The following TPRG1 variants were observed in gnomAD, a reference collection of about 807,000 sequenced individuals.
TPRG1 encodes tumor protein p63 regulated 1.
TPRG1 carries 29 observed loss-of-function variants against 29.3 expected under a neutral mutation model. The observed-to-expected ratio is 0.99, with a 90% confidence interval of 0.74 to 1.35. The LOEUF is 1.35. Among genes scored for constraint, TPRG1 ranks in the 40% most tolerant of loss-of-function variants. TPRG1 has a pLI of 0.00. For missense variants in TPRG1, 327 were observed against 335.0 expected (o/e 0.98, Z 0.19); for synonymous variants, 130 against 116.8 (o/e 1.11, Z -0.73).
At chr3:189,228,529 T>C (rs777658013) in intron 3 of TPRG1, among the ~76,000 whole-genome samples, 1 of 152,180 alleles carries the variant, frequency 6.6e-6, no homozygotes, top group African/African-American at 2.4e-5. Context: ...AAATATATCA[T>C]CATATCAACT....
At chr3:189,282,601 T>C (rs750293095) in intron 4 of TPRG1, among the ~76,000 whole-genome samples, 17 of 152,204 alleles carry the variant, frequency 1.1e-4, no homozygotes, top group Non-Finnish European at 2.1e-4. Context: ...TCTCTCTGCC[T>C]TTCTTTCATA....
intron 4 of TPRG1, among the ~76,000 whole-genome samples, chr3:189,032,106 A>G (rs1422392658): frequency 6.6e-6 from 1 of 152,168 alleles, no homozygotes; most frequent in Non-Finnish European, 1.5e-5. Context: ...TGCCGATGTG[A>G]TTGAGTTAAA....
At chr3:189,188,170 A>G (rs73055472) in intron 1 of TPRG1, among the ~76,000 whole-genome samples, 8,777 of 152,306 alleles carry the variant, frequency 0.058, 629 homozygotes, top group African/African-American at 0.17. Context: ...CCTCTACTAG[A>G]GAACAGATGC....
chr3:189,067,182 A>C (rs1716509012), intron 4 of TPRG1, among the ~76,000 whole-genome samples: 1 of 152,200 alleles, frequency 6.6e-6, no homozygotes, highest in Admixed American at 6.5e-5. Context: ...AGAATACAAA[A>C]AGTGGAAAAA....
intron 4 of TPRG1, among the ~76,000 whole-genome samples, chr3:189,150,300 A>G (rs1725767494): frequency 6.6e-6 from 1 of 152,204 alleles, no homozygotes; most frequent in Admixed American, 6.5e-5. Flanking sequence ...CTCAAGCCTC[A>G]GCTTCCTGAG....
intron 4 of TPRG1, among the ~76,000 whole-genome samples, chr3:189,063,191 A>T (rs1290334970): frequency 1.3e-5 from 2 of 152,148 alleles, no homozygotes; most frequent in African/African-American, 4.8e-5. Flanking sequence ...TAAAAGGATC[A>T]ACTTACTAGG....
At chr3:189,271,447 A>G (rs1715113653) in intron 4 of TPRG1, among the ~76,000 whole-genome samples, 1 of 152,238 alleles carries the variant, frequency 6.6e-6, no homozygotes, top group Non-Finnish European at 1.5e-5. Context: ...ATGCACATAA[A>G]GGAACTGTGA....
chr3:189,325,187 C>T lies in TPRG1; in HGVS notation c.*4367C>T, dbSNP rs1429570587. The T allele has an allele frequency of 6.6e-6, 1 of 151,640 alleles. No homozygotes were observed. The highest frequency in any genetic ancestry group is 1.5e-5 in the Non-Finnish European group (1 of 67,960). The allele number at this position is 151,640 out of a possible 1,614,324, so 9.4% of individuals were successfully genotyped here. On this transcript the variant is annotated 3_prime_UTR_variant, in exon 6 of 6. Transcript: ENST00000345063. ...CAAAAAGGAATTATGATATCCTCTG[C>T]TAAACCCTCTCTTTAGCCTCAAAGC...
intron 1 of TPRG1, 128 bp from the exon 2 acceptor site, chr3:189,207,248 T>C: frequency 7.0e-7 from 1 of 1,429,168 alleles, no homozygotes; most frequent in Non-Finnish European, 9.3e-7. Flanking sequence ...TGCCTCTGTT[T>C]AGTTAACATG....
At chr3:189,073,005 T>C (rs1716901545) in intron 4 of TPRG1, among the ~76,000 whole-genome samples, 1 of 152,160 alleles carries the variant, frequency 6.6e-6, no homozygotes, top group Non-Finnish European at 1.5e-5. Context: ...AAGATGATGA[T>C]CTTATCTTGT....
At chr3:189,001,153 A>G (rs1290891568) in intron 2 of TPRG1, among the ~76,000 whole-genome samples, 1 of 152,186 alleles carries the variant, frequency 6.6e-6, no homozygotes, top group African/African-American at 2.4e-5. Context: ...AACAACATGA[A>G]ACATCAAATC....
intron 3 of TPRG1, among the ~76,000 whole-genome samples, chr3:189,022,519 G>C (rs375934865): frequency 6.8e-6 from 1 of 147,570 alleles, no homozygotes; most frequent in South Asian, 2.2e-4. Context: ...CCCCTGCTGG[G>C]GGGTGCCTCC....
rs574702187 is a variant in TPRG1, at chr3:189,010,681, C to T, written c.-660+5921C>T. Among the ~76,000 whole-genome samples the T allele has an allele frequency of 2.6e-5, 4 of 152,108 alleles. No individual in the cohort carries two copies. In the East Asian group the frequency reaches 5.8e-4, roughly 22 times the overall value. ...ACTTTGTAGAGTCTGGATAACAGACCTTTGTCAGATGGATAGATTTCAAAA... is the reference window on the plus strand; with the variant it reads ...ACTTTGTAGAGTCTGGATAACAGACTTTTGTCAGATGGATAGATTTCAAAA... On this transcript the variant is annotated intron_variant, in intron 3 of 10. Coordinates refer to the TPRG1 transcript ENST00000433971.
At chr3:189,310,694 G>A (rs533985186) in intron 5 of TPRG1, among the ~76,000 whole-genome samples, 155 bp downstream of exon 5, 1 of 151,440 alleles carries the variant, frequency 6.6e-6, no homozygotes, top group African/African-American at 2.4e-5. Context: ...GACAAAAACG[G>A]TAATAGGTTT....
chr3:189,275,934 A>G (rs913011747), intron 4 of TPRG1, among the ~76,000 whole-genome samples: 1 of 152,180 alleles, frequency 6.6e-6, no homozygotes, highest in African/African-American at 2.4e-5. Context: ...GGCAAATACA[A>G]TAATTTTCAT....
At chr3:189,110,644 T>A (rs540174529) in intron 1 of TPRG1, among the ~76,000 whole-genome samples, 27 of 152,180 alleles carry the variant, frequency 1.8e-4, no homozygotes, top group Non-Finnish European at 2.4e-4. Flanking sequence ...GGTATTTTTT[T>A]AATTCTGCTT....
intron 1 of TPRG1, among the ~76,000 whole-genome samples, chr3:189,118,517 C>A (rs1339049004): frequency 6.6e-6 from 1 of 152,156 alleles, no homozygotes; most frequent in Non-Finnish European, 1.5e-5. Flanking sequence ...TGTCAGAGAC[C>A]TTCACAGCAG....
At chr3:189,312,107 T>TCTCTCTCTC (rs1560688827) in intron 5 of TPRG1, among the ~76,000 whole-genome samples, 1 of 73,768 alleles carries the variant, frequency 1.4e-5, no homozygotes. Flanking sequence ...GTTTCTTTGT[T>TCTCTCTCTC]TCTTTCTTTG....
At chr3:189,027,031 G>GT (rs1159237486) in intron 4 of TPRG1, among the ~76,000 whole-genome samples, 3 of 152,186 alleles carry the variant, frequency 2.0e-5, no homozygotes, top group African/African-American at 7.2e-5. Flanking sequence ...TGTGTTAACA[G>GT]TATTAGATGA....
Sources: allele counts gnomAD v4.1 joint callset (sites outside exome capture counted in the v4.1 genomes callset), GRCh38; gene constraint gnomAD v4.1.1; transcripts MANE v1.5; gene names NCBI Gene and HGNC (gene_info 2026-07-23, HGNC 2026-07-21).